GPHN: variants seen among roughly 807,000 people sequenced by gnomAD.
GPHN encodes the protein gephyrin.
In GPHN, 17 loss-of-function variants were observed where a neutral mutation model predicts 95.5. The observed-to-expected ratio is 0.18, with a 90% CI of 0.12 to 0.27. The LOEUF (loss-of-function observed/expected upper bound fraction) is 0.27. Among genes scored for constraint, GPHN ranks in the 10% least tolerant of loss-of-function variants. The pLI is 1.00. For missense variants in GPHN, 660 were observed against 978.1 expected (o/e 0.67, Z 4.34); for synonymous variants, 320 against 322.5 (o/e 0.99, Z 0.08).
chr14:67,254,946 T>G, the GPHN span, among the ~76,000 whole-genome samples: 3 of 152,138 alleles, frequency 2.0e-5, no homozygotes, highest in African/African-American at 7.2e-5. Flanking sequence ...GTCAAGAGAT[T>G]GAGACCATCC....
intron 3 of GPHN, among the ~76,000 whole-genome samples, chr14:66,818,434 A>C (rs759131276): frequency 6.6e-6 from 1 of 151,986 alleles, no homozygotes; most frequent in Non-Finnish European, 1.5e-5. Flanking sequence ...ACATGATCTC[A>C]TTGTTTTTTG....
At chr14:67,333,675 A>G in the GPHN span, 1 of 152,544 alleles carries the variant, frequency 6.6e-6, no homozygotes, top group Non-Finnish European at 1.5e-5. Context: ...ATCTTTTTTA[A>G]ATTATGATTT....
At chr14:66,922,374 C>T (rs1309254606) in intron 6 of GPHN, among the ~76,000 whole-genome samples, 1 of 151,684 alleles carries the variant, frequency 6.6e-6, no homozygotes, top group South Asian at 2.1e-4. Context: ...CATTTCACAG[C>T]ACATACTCCT....
At chr14:67,193,144 A>C in the GPHN span, among the ~76,000 whole-genome samples, 127 of 143,158 alleles carry the variant, frequency 8.9e-4, no homozygotes, top group Non-Finnish European at 1.3e-3. Flanking sequence ...ATAGACATCT[A>C]TCTATATATC....
At chr14:67,123,260 G>A (rs1183580186) in intron 17 of GPHN, among the ~76,000 whole-genome samples, 1 of 152,136 alleles carries the variant, frequency 6.6e-6, no homozygotes, top group African/African-American at 2.4e-5. Flanking sequence ...CCCTTATGTT[G>A]AGTACTTTCC....
chr14:66,599,380 AT>A (rs142321214), intron 1 of GPHN, among the ~76,000 whole-genome samples: 1 of 111,384 alleles, frequency 9.0e-6, no homozygotes, highest in South Asian at 2.7e-4. Context: ...CTGATTTTAC[AT>A]TTTTTTTTGC....
At chr14:67,142,747 A>T (rs2080560120) in intron 17 of GPHN, among the ~76,000 whole-genome samples, 1 of 152,052 alleles carries the variant, frequency 6.6e-6, no homozygotes, top group Non-Finnish European at 1.5e-5. Context: ...TCCCATCCTA[A>T]CTGTCCCAGT....
chr14:66,879,809 A>G (rs1462577855), intron 4 of GPHN, 130 bp from the exon 5 acceptor site: 2 of 699,236 alleles, frequency 2.9e-6, no homozygotes, highest in South Asian at 1.5e-5. Context: ...AAAAAGATAA[A>G]TGTTTCAGAA....
intron 1 of GPHN, among the ~76,000 whole-genome samples, chr14:66,673,579 C>G (rs2066421293): frequency 6.6e-6 from 1 of 152,106 alleles, no homozygotes; most frequent in Admixed American, 6.5e-5. Context: ...GTATATAAGC[C>G]TACATAATCA....
intron 3 of GPHN, among the ~76,000 whole-genome samples, chr14:66,777,200 C>T (rs551009883): frequency 3.9e-5 from 6 of 152,020 alleles, no homozygotes; most frequent in East Asian, 3.9e-4. Flanking sequence ...AACACCTCTA[C>T]GCAAATAAAC....
At chr14:67,295,509 G>A in the GPHN span, among the ~76,000 whole-genome samples, 1 of 150,880 alleles carries the variant, frequency 6.6e-6, no homozygotes, top group Non-Finnish European at 1.5e-5. Flanking sequence ...AAAACTCTTG[G>A]AAATTAATAA....
the GPHN span, among the ~76,000 whole-genome samples, chr14:67,678,975 G>A: frequency 7.2e-5 from 11 of 152,322 alleles, no homozygotes; most frequent in Non-Finnish European, 1.0e-4. Flanking sequence ...ACCAAGGTAC[G>A]AGGTGTCTTG....
chr14:67,598,509 G>A, the GPHN span, among the ~76,000 whole-genome samples: 3 of 147,598 alleles, frequency 2.0e-5, no homozygotes, highest in African/African-American at 4.9e-5. Context: ...GGTTTCCTTC[G>A]TTCTAGGGCT....
At chr14:67,706,603 G>A in the GPHN span, among the ~76,000 whole-genome samples, 1 of 152,158 alleles carries the variant, frequency 6.6e-6, no homozygotes. Context: ...TTTCTGTTTA[G>A]CCTTTTCAAA....
chr14:66,850,252 A>AT (rs1425494932), intron 4 of GPHN, among the ~76,000 whole-genome samples: 1 of 152,152 alleles, frequency 6.6e-6, no homozygotes, highest in Non-Finnish European at 1.5e-5. Context: ...ACCAAATATA[A>AT]ACTCTTACAC....
chr14:67,388,197 C>A, the GPHN span: 1 of 1,524,952 alleles, frequency 6.6e-7, no homozygotes, highest in Non-Finnish European at 9.1e-7. Flanking sequence ...CTGAGATCTT[C>A]AGGCCAGGGC....
intron 5 of GPHN, among the ~76,000 whole-genome samples, chr14:66,884,818 GTA>G (rs34476314): frequency 0.12 from 17,056 of 144,752 alleles, 2,203 homozygotes; most frequent in African/African-American, 0.33. Context: ...ATGTGTGTGT[GTA>G]TATATATATA....
intron 3 of GPHN, among the ~76,000 whole-genome samples, chr14:66,821,153 A>G (rs2061174847): frequency 6.6e-6 from 1 of 152,240 alleles, no homozygotes; most frequent in Non-Finnish European, 1.5e-5. Flanking sequence ...AGAAACAAAT[A>G]TGGCAAGATA....
At chr14:66,546,995 A>G (rs1362227193) in intron 1 of GPHN, among the ~76,000 whole-genome samples, 1 of 151,886 alleles carries the variant, frequency 6.6e-6, no homozygotes, top group Non-Finnish European at 1.5e-5. Flanking sequence ...ATTACTTGGG[A>G]TATCTGGAAG....
Sources: allele counts gnomAD v4.1 joint callset (sites outside exome capture counted in the v4.1 genomes callset), GRCh38; gene constraint gnomAD v4.1.1; transcripts MANE v1.5; gene names NCBI Gene and HGNC (gene_info 2026-07-23, HGNC 2026-07-21).